The following AHI1 variants were observed in gnomAD, a reference collection of about 807,000 sequenced individuals.
AHI1 encodes the protein jouberin.
In AHI1, 123 loss-of-function variants were observed where a neutral mutation model predicts 149.3. The observed-to-expected ratio is 0.82, with a 90% CI of 0.71 to 0.96. The LOEUF (loss-of-function observed/expected upper bound fraction) is 0.96, where lower values mean the gene tolerates loss of function less well. Ranked by LOEUF, AHI1 falls within the 40% of genes least tolerant of loss-of-function variation. AHI1 has a pLI of 0.00. For synonymous variants in AHI1, 475 were observed against 459.8 expected (o/e 1.03, Z -0.42); for missense variants, 1,439 against 1,422.7 (o/e 1.01, Z -0.18).
At chr6:135,443,322 T>C (rs940144226) in intron 13 of AHI1, among the ~76,000 whole-genome samples, 1 of 152,246 alleles carries the variant, frequency 6.6e-6, no homozygotes, top group Admixed American at 6.5e-5. Context: ...TGGGTATTAA[T>C]GTCTACTGTA....
Position 135,491,731 on chromosome 6 carries a change from G to A in AHI1, c.10+497C>T, listed in dbSNP as rs141380643. The stretch of plus-strand genomic sequence containing the variant: ...GAATGGGTGCTCTAGAGCAAGTGTC[G>A]GCAAACTATGGCCTGCAGGCTAGTC... On this transcript the variant is annotated intron_variant, in intron 4 of 28. Coordinates refer to ENST00000265602, the MANE Select transcript of AHI1 (RefSeq NM_001134831.2). Among the ~76,000 whole-genome samples, 243 of 152,160 alleles carry A rather than the reference G, an allele frequency of 1.6e-3. 1 individual carries two copies. In the East Asian group the frequency reaches 0.034, roughly 22 times the overall value.
chr6:135,387,940 T>C, intron 23 of AHI1: 1 of 1,612,416 alleles, frequency 6.2e-7, no homozygotes, highest in Non-Finnish European at 8.5e-7. Context: ...AGTGGTGGGA[T>C]CCCAGGTCGG....
At position 135,490,649 on chromosome 6, in the gene AHI1, G is replaced by GT. The variant is rs1562294047; in HGVS notation, c.108dup (p.Leu37ThrfsTer5). The GT allele has an allele frequency of 1.2e-6, 2 of 1,613,586 alleles. No homozygotes were observed. Among genetic ancestry groups the GT allele is most frequent in the Non-Finnish European group, 1.7e-6 (2 of 1,179,684 alleles). On this transcript the variant is annotated frameshift_variant, in exon 5 of 29. Coordinates refer to ENST00000265602, the MANE Select transcript of AHI1 (RefSeq NM_001134831.2). LOFTEE classifies it high-confidence loss of function. ...GAGATGTTTTCTTCAGACCTGACAA[G>GT]TTTTTTCTTCAGTTTTTTCTTTTCA... is the stretch of plus-strand genomic sequence containing the variant.
At chr6:135,417,713 C>T (rs1285352189) in intron 20 of AHI1, among the ~76,000 whole-genome samples, 2 of 151,738 alleles carry the variant, frequency 1.3e-5, no homozygotes, top group Admixed American at 1.3e-4. Context: ...AATTAAACAC[C>T]CTATTTTATC....
At chr6:135,371,301 AAC>A (rs775171793) in intron 23 of AHI1, among the ~76,000 whole-genome samples, 1 of 152,204 alleles carries the variant, frequency 6.6e-6, no homozygotes, top group Non-Finnish European at 1.5e-5. Context: ...TTGGATAAGA[AAC>A]CCTTTATCTT....
At chr6:135,462,596 A>C (rs1350123973) in intron 8 of AHI1, among the ~76,000 whole-genome samples, 2 of 152,160 alleles carry the variant, frequency 1.3e-5, no homozygotes, top group Non-Finnish European at 2.9e-5. Context: ...AGTTGAATTT[A>C]AAGTATGACA....
chr6:135,338,316 A>AAAAG (rs1406036360), intron 24 of AHI1, among the ~76,000 whole-genome samples: 182 of 151,702 alleles, frequency 1.2e-3, no homozygotes, highest in Non-Finnish European at 2.3e-3. Flanking sequence ...AAAAAAAAAA[A>AAAAG]AAAGAAAGAA....
At chr6:135,331,577 G>C (rs1171833356) in intron 24 of AHI1, among the ~76,000 whole-genome samples, 2 of 152,152 alleles carry the variant, frequency 1.3e-5, no homozygotes. Flanking sequence ...GTGACGCCTG[G>C]TCAATGAAAC....
At chr6:135,483,816 C>T (rs989726493) in intron 5 of AHI1, among the ~76,000 whole-genome samples, 6 of 152,218 alleles carry the variant, frequency 3.9e-5, no homozygotes, top group Non-Finnish European at 7.3e-5. Context: ...TACTTCCTAT[C>T]CATACACTTG....
intron 26 of AHI1, chr6:135,300,806 G>T: frequency 9.2e-7 from 1 of 1,084,738 alleles, no homozygotes. Flanking sequence ...TCAGCTTTCA[G>T]GTATGTGACC....
intron 11 of AHI1, among the ~76,000 whole-genome samples, chr6:135,452,026 A>C (rs1189101657): frequency 6.6e-6 from 1 of 152,166 alleles, no homozygotes; most frequent in Non-Finnish European, 1.5e-5. Flanking sequence ...CCCTTTGACT[A>C]TAAAACTTCT....
At chr6:135,339,390 T>C (rs1013682767) in intron 24 of AHI1, among the ~76,000 whole-genome samples, 2 of 152,212 alleles carry the variant, frequency 1.3e-5, no homozygotes, top group South Asian at 4.1e-4. Context: ...ACAAATATTT[T>C]AAATACTATT....
chr6:135,344,453 A>G (rs1032351903), intron 24 of AHI1, among the ~76,000 whole-genome samples: 1 of 151,462 alleles, frequency 6.6e-6, no homozygotes, highest in Non-Finnish European at 1.5e-5. Flanking sequence ...TTTATATACT[A>G]TATGCCTGGT....
chr6:135,369,726 C>T (rs941331846), intron 23 of AHI1, among the ~76,000 whole-genome samples: 1 of 152,142 alleles, frequency 6.6e-6, no homozygotes, highest in African/African-American at 2.4e-5. Context: ...TTTTGCCCTC[C>T]AGTTCAGTGG....
chr6:135,447,387 T>C (rs1787409209), intron 12 of AHI1, among the ~76,000 whole-genome samples: 1 of 152,206 alleles, frequency 6.6e-6, no homozygotes, highest in African/African-American at 2.4e-5. Flanking sequence ...GGAAAAAATA[T>C]GACCACAAAG....
chr6:135,411,308 G>T, intron 21 of AHI1, 40 bp downstream of exon 21: 1 of 1,536,390 alleles, frequency 6.5e-7, no homozygotes, highest in South Asian at 1.1e-5. Context: ...AAACAGGATA[G>T]AAATAGTTTT....
intron 8 of AHI1, among the ~76,000 whole-genome samples, chr6:135,458,128 A>T (rs1480204870): frequency 6.6e-6 from 1 of 152,206 alleles, no homozygotes; most frequent in East Asian, 1.9e-4. Flanking sequence ...CAAATATCTT[A>T]TTTTAAATTT....
At chr6:135,407,263 T>C (rs1780926121) in intron 21 of AHI1, among the ~76,000 whole-genome samples, 1 of 151,968 alleles carries the variant, frequency 6.6e-6, no homozygotes, top group African/African-American at 2.4e-5. Flanking sequence ...AACATTCCTA[T>C]TGTAATAAAA....
rs147854703 is a variant in AHI1 at position 135,483,794 on chromosome 6, G to A, written c.135+6829C>T. ...CAATCCATCACTTCAATCATCACCC[G>A]CCATTTTCATGTACTTCCTATCCAT... On this transcript the variant is annotated intron_variant, in intron 5 of 28. Transcript: ENST00000265602. Among the ~76,000 whole-genome samples, 9 of 152,084 alleles carry A rather than the reference G, an allele frequency of 5.9e-5. No individual in the cohort carries two copies. The East Asian group carries it at 7.7e-4, about 13-fold the overall frequency.
Sources: gnomAD v4.1 joint callset for allele counts (sites outside exome capture counted in the v4.1 genomes callset) on GRCh38, gnomAD v4.1.1 for gene constraint, MANE v1.5 for transcripts, NCBI Gene and HGNC (gene_info 2026-07-23, HGNC 2026-07-21) for gene names.